The following TSPAN15 variants were observed in gnomAD, a reference collection of about 807,000 sequenced individuals.
The protein encoded by TSPAN15 is tetraspanin-15.
In TSPAN15, 20 loss-of-function variants were observed where a neutral mutation model predicts 34.5. The ratio of observed to expected loss-of-function variants is 0.58; its 90% confidence interval spans 0.41 to 0.84. TSPAN15 has a LOEUF of 0.84. Among genes scored for constraint, TSPAN15 ranks in the 40% least tolerant of loss-of-function variants. TSPAN15 has a pLI of 0.00. For missense variants in TSPAN15, 313 were observed against 386.1 expected (o/e 0.81, Z 1.59); for synonymous variants, 155 against 153.9 (o/e 1.01, Z -0.05).
At chr10:69,548,370 G>A in the TSPAN15 span, among the ~76,000 whole-genome samples, 330 of 152,354 alleles carry the variant, frequency 2.2e-3, 1 homozygote, top group African/African-American at 7.2e-3. Context: ...TACTCCTGAT[G>A]TTTCTTTCTA....
intron 1 of TSPAN15, among the ~76,000 whole-genome samples, chr10:69,475,146 G>T (rs957771367): frequency 3.9e-5 from 6 of 152,106 alleles, no homozygotes; most frequent in African/African-American, 1.4e-4. Flanking sequence ...GAGGGTGTTG[G>T]GTGGAGATGA....
chr10:69,533,703 A>G, the TSPAN15 span, among the ~76,000 whole-genome samples: 4 of 152,228 alleles, frequency 2.6e-5, no homozygotes, highest in Non-Finnish European at 4.4e-5. Context: ...AATCAAACCC[A>G]AGGACGGGTT....
the TSPAN15 span, among the ~76,000 whole-genome samples, chr10:69,524,430 C>A: frequency 6.8e-6 from 1 of 147,482 alleles, no homozygotes; most frequent in African/African-American, 2.5e-5. Context: ...TGCACCATTG[C>A]ACTCCAGCCT....
At chr10:69,522,669 C>T in the TSPAN15 span, among the ~76,000 whole-genome samples, 1 of 147,072 alleles carries the variant, frequency 6.8e-6, no homozygotes, top group African/African-American at 2.5e-5. Flanking sequence ...AATGCAAACC[C>T]TATTGTGAAC....
At chr10:69,536,223 A>G in the TSPAN15 span, among the ~76,000 whole-genome samples, 9 of 152,196 alleles carry the variant, frequency 5.9e-5, no homozygotes, top group Non-Finnish European at 1.0e-4. Flanking sequence ...TGCTACCTCA[A>G]TTAGTGAATT....
chr10:69,505,178 C>A (rs1395182372), intron 6 of TSPAN15, among the ~76,000 whole-genome samples: 1 of 152,200 alleles, frequency 6.6e-6, no homozygotes, highest in Admixed American at 6.5e-5. Context: ...AAGTGAAATT[C>A]ACAGATAACC....
chr10:69,471,577 A>T (rs1266341836), intron 1 of TSPAN15, among the ~76,000 whole-genome samples: 1 of 132,890 alleles, frequency 7.5e-6, no homozygotes, highest in African/African-American at 3.2e-5. Context: ...CCTTCTCCCC[A>T]CCTTCTCTCC....
intron 1 of TSPAN15, among the ~76,000 whole-genome samples, chr10:69,453,551 C>G (rs1278243077): frequency 1.3e-5 from 2 of 152,140 alleles, no homozygotes; most frequent in African/African-American, 4.8e-5. Flanking sequence ...AATCACAAAC[C>G]AGTCTCTCTA....
intron 3 of TSPAN15, among the ~76,000 whole-genome samples, chr10:69,486,630 T>C (rs574739543): frequency 6.6e-6 from 1 of 152,300 alleles, no homozygotes; most frequent in Admixed American, 6.5e-5. Flanking sequence ...CAGCAGTTGC[T>C]CTTAAGGCAG....
chr10:69,461,482 C>T (rs1841256701), intron 1 of TSPAN15, among the ~76,000 whole-genome samples: 1 of 152,168 alleles, frequency 6.6e-6, no homozygotes, highest in Admixed American at 6.5e-5. Flanking sequence ...CCTGGGGCCA[C>T]TGGAAGTCCC....
At chr10:69,505,212 C>T (rs915906183) in intron 6 of TSPAN15, among the ~76,000 whole-genome samples, 5 of 152,284 alleles carry the variant, frequency 3.3e-5, no homozygotes, top group Admixed American at 2.0e-4. Flanking sequence ...AATTCCAATA[C>T]AATTAACATA....
the TSPAN15 span, among the ~76,000 whole-genome samples, chr10:69,544,498 G>A: frequency 2.0e-5 from 3 of 152,114 alleles, no homozygotes; most frequent in South Asian, 6.2e-4. Flanking sequence ...CCTCCCTCCC[G>A]CAGCGGTTCA....
At position 69,456,878 on chromosome 10, in the gene TSPAN15, A is replaced by G. The variant is rs910892416; in HGVS notation, c.96+5188A>G. 2.6e-5 allele frequency among the ~76,000 whole-genome samples: 4 copies of G among 152,200 alleles called. No individual in the cohort carries two copies. In the East Asian group the frequency reaches 7.7e-4, roughly 29 times the overall value. On this transcript the variant is annotated intron_variant, in intron 1 of 7. Transcript: ENST00000373290. ...CACTCAGGGCCCTCTTGTTTTCGGCAGGGAACTTTGGGGCTGCAAAAGGGT... is the reference window on the plus strand; with the variant it reads ...CACTCAGGGCCCTCTTGTTTTCGGCGGGGAACTTTGGGGCTGCAAAAGGGT...
exon 8 of TSPAN15, chr10:69,507,651 GTTTT>G (rs398014021): frequency 2.9e-3 from 2,927 of 1,002,598 alleles, no homozygotes; most frequent in East Asian, 0.013. Context: ...ATAAAAACAT[GTTTT>G]TTTTTTTTTT....
intron 1 of TSPAN15, among the ~76,000 whole-genome samples, chr10:69,469,602 C>T (rs758110768): frequency 6.6e-6 from 1 of 152,184 alleles, no homozygotes; most frequent in Non-Finnish European, 1.5e-5. Context: ...CTTAGCCTCC[C>T]ACGTATTAGG....
chr10:69,485,264 T>A (rs1187709894), intron 3 of TSPAN15, 49 bp downstream of exon 3: 7 of 1,538,980 alleles, frequency 4.5e-6, no homozygotes, highest in Non-Finnish European at 5.4e-6. Flanking sequence ...GAGCACCCAC[T>A]GTGGGTGCCT....
downstream of TSPAN15, chr10:69,507,811 TGGG>T (rs1001344554): frequency 2.7e-6 from 1 of 370,864 alleles, no homozygotes; most frequent in Non-Finnish European, 4.3e-6. Flanking sequence ...GGTGGGGGGT[TGGG>T]GGGAAAGCCT....
intron 1 of TSPAN15, among the ~76,000 whole-genome samples, chr10:69,471,136 G>A (rs10998816): frequency 1.3e-5 from 2 of 152,202 alleles, no homozygotes; most frequent in Middle Eastern, 3.4e-3. Flanking sequence ...TTGCCTCTGC[G>A]CAAGTAGAAT....
intron 1 of TSPAN15, among the ~76,000 whole-genome samples, chr10:69,456,876 G>T (rs1244572521): frequency 1.3e-5 from 2 of 152,152 alleles, no homozygotes; most frequent in African/African-American, 4.8e-5. Flanking sequence ...CTTGTTTTCG[G>T]CAGGGAACTT....
Sources: gnomAD v4.1 joint callset for allele counts (sites outside exome capture counted in the v4.1 genomes callset) on GRCh38, gnomAD v4.1.1 for gene constraint, MANE v1.5 for transcripts, NCBI Gene and HGNC (gene_info 2026-07-23, HGNC 2026-07-21) for gene names.